The following TMEM219 variants were observed in gnomAD, a reference collection of about 807,000 sequenced individuals.
TMEM219 encodes transmembrane protein 219.
A neutral mutation model predicts 17.9 loss-of-function variants in TMEM219; 18 were observed. The ratio of observed to expected loss-of-function variants is 1.01; its 90% CI spans 0.70 to 1.49. The LOEUF (loss-of-function observed/expected upper bound fraction) is 1.49, where lower values mean the gene tolerates loss of function less well. Ranked by LOEUF, TMEM219 falls within the 40% of genes most tolerant of loss-of-function variation. The pLI is 0.00. For missense variants in TMEM219, 288 were observed against 292.4 expected, an observed-to-expected ratio of 0.99 and a Z score of 0.11; for synonymous variants, 113 against 124.0, an observed-to-expected ratio of 0.91 and a Z score of 0.59.
chr16:29,963,195 C>T lies in TMEM219; in HGVS notation c.52C>T (p.Pro18Ser). ...HNLHLCLAHH[P>S]PLVCATLILL... ...CCTGCACCTGTGTCTGGCCCACCAC[C>T]CACCTCTGGTCTGTGCCACTTTGAT... Residue 18 changes from proline (P) to serine (S), a missense_variant, in exon 2 of 6, where the codon CCA becomes TCA. Pro to Ser is a moderately conservative substitution (Grantham distance 74). Coordinates refer to ENST00000279396, the MANE Select transcript of TMEM219 (RefSeq NM_001083613.2). The T allele has an allele frequency of 6.2e-7, 1 of 1,613,818 alleles. No homozygotes were observed. The highest frequency in any genetic ancestry group is 8.5e-7 in the Non-Finnish European group (1 of 1,180,050).
chr16:29,969,490 T>C (rs1218832265), intron 4 of TMEM219, among the ~76,000 whole-genome samples: 1 of 151,906 alleles, frequency 6.6e-6, no homozygotes, highest in African/African-American at 2.4e-5. Context: ...CCACTGCGCC[T>C]GGCGACCCCA....
In TMEM219 at chr16:29,963,167, C is replaced by CA; in HGVS notation, c.26dup (p.Asn9LysfsTer44). ...CCATGGGCAACTGCCAGGCAGGGCA[C>CA]AACCTGCACCTGTGTCTGGCCCACC... On this transcript the variant is annotated frameshift_variant, in exon 2 of 6. Transcript: ENST00000279396. LOFTEE classifies it high-confidence loss of function. 6.2e-7 allele frequency: 1 copy of CA among 1,613,062 alleles called. No individual in the cohort carries two copies. Among genetic ancestry groups the CA allele is most frequent in the Admixed American group, 1.7e-5 (1 of 60,028 alleles).
At position 29,963,088 on chromosome 16, in the gene TMEM219, C is replaced by T; in HGVS notation, c.-37-19C>T. 6.3e-7 allele frequency: 1 copy of T among 1,589,274 alleles called. No homozygotes were observed. Among genetic ancestry groups the T allele is most frequent in the Non-Finnish European group, 8.5e-7 (1 of 1,169,622 alleles). On this transcript the variant is annotated intron_variant, in intron 1 of 5. Transcript: ENST00000279396. ...GTAAAAGCGGTGCTCTTGTCCCATT[C>T]TCCCTCCCTGTCTTCCAGCAGGCTC...
At chr16:29,965,223 C>G (rs1360753156) in intron 3 of TMEM219, among the ~76,000 whole-genome samples, 1 of 152,122 alleles carries the variant, frequency 6.6e-6, no homozygotes, top group African/African-American at 2.4e-5. Flanking sequence ...CACTATCATT[C>G]TAAGATTCTC....
At chr16:29,965,669 T>C (rs1183249942) in intron 3 of TMEM219, among the ~76,000 whole-genome samples, 1 of 151,980 alleles carries the variant, frequency 6.6e-6, no homozygotes, top group Non-Finnish European at 1.5e-5. Flanking sequence ...AGGCAGGGCT[T>C]GCAGTAAACA....
rs1010038513 is a variant in TMEM219 at position 29,963,690 on chromosome 16, C to T, written c.355+101C>T. The T allele has an allele frequency of 4.9e-5, 53 of 1,092,066 alleles. No individual in the cohort carries two copies. The African/African-American group carries it at 8.1e-4, about 17-fold the overall frequency. The allele number at this position is 1,092,066 out of a possible 1,614,324, so 67.6% of individuals were successfully genotyped here. ...TTGAGGTCAGGAGTTCAAGACCAGC[C>T]TGGCCAACATGATGAAACACCATCT... is the stretch of plus-strand genomic sequence containing the variant. On this transcript the variant is annotated intron_variant, in intron 3 of 5. Transcript: ENST00000279396.
intron 3 of TMEM219, among the ~76,000 whole-genome samples, chr16:29,967,453 T>A (rs998169792): frequency 2.0e-5 from 3 of 151,998 alleles, no homozygotes; most frequent in Admixed American, 6.6e-5. Flanking sequence ...TACAAAAAAA[T>A]TTTTTTAAAT....
At chr16:29,964,363 G>C (rs1486474556) in intron 3 of TMEM219, among the ~76,000 whole-genome samples, 1 of 150,232 alleles carries the variant, frequency 6.7e-6, no homozygotes. Flanking sequence ...CAAGCCTGTA[G>C]TTCCAGCTAC....
At chr16:29,967,981 T>C (rs768726603) in intron 3 of TMEM219, 44 bp from the exon 4 acceptor site, 6 of 1,421,336 alleles carry the variant, frequency 4.2e-6, no homozygotes, top group Non-Finnish European at 6.0e-6. Flanking sequence ...GGCTCCCGCG[T>C]CACCTCTCAT....
Position 29,963,594 on chromosome 16 carries a change from G to A in TMEM219, c.355+5G>A. 1.2e-6 allele frequency: 2 copies of A among 1,612,268 alleles called. No homozygotes were observed. The highest frequency in any genetic ancestry group is 2.2e-5 in the South Asian group (2 of 90,996). Reference sequence around the variant, plus strand: ...GAAGTCAGATGGGATTGAAAGGTGAGATCAGAGGCTGGGTGTGGTGGCTCA... The same window carrying A: ...GAAGTCAGATGGGATTGAAAGGTGAAATCAGAGGCTGGGTGTGGTGGCTCA... On this transcript the variant is annotated splice_donor_5th_base_variant and intron_variant, in intron 3 of 5. Coordinates refer to ENST00000279396, the MANE Select transcript of TMEM219 (RefSeq NM_001083613.2).
intron 4 of TMEM219, among the ~76,000 whole-genome samples, chr16:29,969,861 A>G (rs1016947087): frequency 6.6e-6 from 1 of 151,996 alleles, no homozygotes; most frequent in African/African-American, 2.4e-5. Flanking sequence ...AGGAGGAGAG[A>G]GATGTGCTTC....
At chr16:29,971,349 T>TA in intron 4 of TMEM219, 59 bp from the exon 5 acceptor site, 1 of 1,607,198 alleles carries the variant, frequency 6.2e-7, no homozygotes. Context: ...AGGCTCCTTC[T>TA]ATAGCCCTTG....
At chr16:29,970,984 C>T (rs368653507) in intron 4 of TMEM219, among the ~76,000 whole-genome samples, 75 of 151,322 alleles carry the variant, frequency 5.0e-4, no homozygotes, top group African/African-American at 1.7e-3. Flanking sequence ...CGGTGTTTCA[C>T]GCCTGTAATC....
In TMEM219 at chr16:29,963,911, G is replaced by C. The variant is rs576705809; in HGVS notation, c.355+322G>C. Among the ~76,000 whole-genome samples, 227 of 146,880 alleles carry C rather than the reference G, an allele frequency of 1.5e-3. 2 individuals are homozygous for C. Among genetic ancestry groups the C allele is most frequent in the Non-Finnish European group, 2.2e-3 (148 of 66,522 alleles). ...AAAAAAAAAAAAAAAAATCAGGTGC[G>C]GTGGCTCATGCCTGTAATCCCAGCA... On this transcript the variant is annotated intron_variant, in intron 3 of 5. Transcript: ENST00000279396.
At chr16:29,964,682 C>T (rs1205932521) in intron 3 of TMEM219, among the ~76,000 whole-genome samples, 2 of 148,752 alleles carry the variant, frequency 1.3e-5, no homozygotes, top group South Asian at 2.1e-4. Flanking sequence ...CACCACCCTG[C>T]GCCAAAAAAA....
In TMEM219 at chr16:29,963,474, G is replaced by T. The variant is rs1354775072; in HGVS notation, c.240G>T (p.Trp80Cys). Reference sequence around the variant, plus strand: ...GGAATGGGACAGTCACAGGGAAGTGGCGAGGGTCTCACGTCGTGGGCTTGC... The same window carrying T: ...GGAATGGGACAGTCACAGGGAAGTGTCGAGGGTCTCACGTCGTGGGCTTGC... ...CPRNGTVTGK[W>C]RGSHVVGLLT... Residue 80 changes from tryptophan (W) to cysteine (C), a missense_variant, in exon 3 of 6, where the codon TGG becomes TGT. Coordinates refer to ENST00000279396, the MANE Select transcript of TMEM219 (RefSeq NM_001083613.2). 2 of 1,614,108 alleles carry T rather than the reference G, an allele frequency of 1.2e-6. No individual in the cohort carries two copies. The highest frequency in any genetic ancestry group is 2.7e-5 in the African/African-American group (2 of 74,944).
At position 29,963,194 on chromosome 16, in the gene TMEM219, C is replaced by T; in HGVS notation, c.51C>T (p.His17=). 3 of 1,613,760 alleles carry T rather than the reference C, an allele frequency of 1.9e-6. No individual in the cohort carries two copies. Among genetic ancestry groups the T allele is most frequent in the Non-Finnish European group, 1.7e-6 (2 of 1,180,052 alleles). ...GHNLHLCLAH[H]PPLVCATLIL... ...ACCTGCACCTGTGTCTGGCCCACCACCCACCTCTGGTCTGTGCCACTTTGA... is the reference window on the plus strand; with the variant it reads ...ACCTGCACCTGTGTCTGGCCCACCATCCACCTCTGGTCTGTGCCACTTTGA... Residue 17 remains histidine (H), a synonymous_variant, in exon 2 of 6, where the codon CAC becomes CAT. Transcript: ENST00000279396.
rs368295355 is a variant in TMEM219, at chr16:29,971,565, G to A, written c.*20G>A. On this transcript the variant is annotated 3_prime_UTR_variant, in exon 5 of 6. Transcript: ENST00000279396. ...CTCTGAGGGCACTGGCCTAGTTCCC[G>A]ACTTGTTTCTCAGGTGAGGTTCTTT... 107 of 1,540,290 alleles carry A rather than the reference G, an allele frequency of 6.9e-5. No individual in the cohort carries two copies. The highest frequency in any genetic ancestry group is 7.1e-5 in the Non-Finnish European group (81 of 1,135,110).
chr16:29,972,102 C>G (rs990171119), intron 5 of TMEM219: 2 of 152,826 alleles, frequency 1.3e-5, no homozygotes, highest in African/African-American at 4.8e-5. Flanking sequence ...GATTTTAAGA[C>G]TCATAACTAG....
Sources: gnomAD v4.1 joint callset for allele counts (sites outside exome capture counted in the v4.1 genomes callset) on GRCh38, gnomAD v4.1.1 for gene constraint, MANE v1.5 for transcripts, NCBI Gene and HGNC (gene_info 2026-07-23, HGNC 2026-07-21) for gene names.